FBLN5: variants seen among roughly 807,000 people sequenced by gnomAD.
FBLN5 encodes the protein fibulin 5.
In FBLN5, 24 loss-of-function variants were observed where a neutral mutation model predicts 61.6. The ratio of observed to expected loss-of-function variants is 0.39; its 90% CI spans 0.28 to 0.55. FBLN5 has a LOEUF of 0.55. Ranked by LOEUF, FBLN5 falls within the 20% of genes least tolerant of loss-of-function variation. The pLI, the probability that FBLN5 is intolerant of heterozygous loss-of-function variation, is 0.65. For missense variants in FBLN5, 470 were observed against 594.1 expected (o/e 0.79, Z 2.17); for synonymous variants, 213 against 219.8 (o/e 0.97, Z 0.27).
chr14:91,919,617 G>A (rs1428747121), intron 4 of FBLN5, among the ~76,000 whole-genome samples: 1 of 152,186 alleles, frequency 6.6e-6, no homozygotes, highest in African/African-American at 2.4e-5. Context: ...AAATGAGCCC[G>A]TTATAGCGGG....
At chr14:91,919,307 G>A (rs901409594) in intron 4 of FBLN5, among the ~76,000 whole-genome samples, 1 of 146,856 alleles carries the variant, frequency 6.8e-6, no homozygotes, top group Admixed American at 6.9e-5. Flanking sequence ...CTCTAACCTG[G>A]GTGACAGAGC....
At chr14:91,903,121 A>G (rs2139995811) in intron 4 of FBLN5, among the ~76,000 whole-genome samples, 1 of 152,334 alleles carries the variant, frequency 6.6e-6, no homozygotes, top group East Asian at 1.9e-4. Flanking sequence ...AAAATCAAGC[A>G]GCGATTCTTA....
At chr14:91,927,260 T>C (rs1044647386) in intron 4 of FBLN5, among the ~76,000 whole-genome samples, 2 of 152,206 alleles carry the variant, frequency 1.3e-5, no homozygotes, top group African/African-American at 2.4e-5. Flanking sequence ...TTTTACTTCT[T>C]TCATTTAACA....
intron 5 of FBLN5, among the ~76,000 whole-genome samples, chr14:91,891,584 A>C (rs1381119165): frequency 2.0e-5 from 3 of 152,148 alleles, no homozygotes; most frequent in Admixed American, 2.0e-4. Flanking sequence ...ACCTATCCTA[A>C]AAGTTGCAGA....
At chr14:91,907,448 T>C (rs562368921) in intron 4 of FBLN5, among the ~76,000 whole-genome samples, 9 of 152,068 alleles carry the variant, frequency 5.9e-5, no homozygotes, top group Non-Finnish European at 1.2e-4. Flanking sequence ...GTGAGTACCC[T>C]AATACAAATG....
chr14:91,903,278 T>C (rs1270358485), intron 4 of FBLN5, among the ~76,000 whole-genome samples: 1 of 152,180 alleles, frequency 6.6e-6, no homozygotes, highest in Non-Finnish European at 1.5e-5. Flanking sequence ...CTCCACCCTG[T>C]AGTAGTTGGG....
rs750043959 is a variant in FBLN5, at chr14:91,883,039, T to C, written c.777A>G (p.Gln259=). 3 of 1,614,170 alleles carry C rather than the reference T, an allele frequency of 1.9e-6. No homozygotes were observed. The East Asian group carries it at 6.7e-5, about 36-fold the overall frequency. Residue 259 remains glutamine (Q), a synonymous_variant, in exon 8 of 11, where the codon CAA becomes CAG. Coordinates refer to ENST00000342058, the MANE Select transcript of FBLN5 (RefSeq NM_006329.4). ...DECSFSEFLC[Q]HECVNQPGTY... is the part of the protein sequence containing the mutation. Reference sequence around the variant, plus strand: ...TGCCGGGCTGGTTCACACACTCATGTTGGCAGAGGAACTCAGAGAAGCTGC... The same window carrying C: ...TGCCGGGCTGGTTCACACACTCATGCTGGCAGAGGAACTCAGAGAAGCTGC...
Position 91,882,846 on chromosome 14 carries a change from C to A in FBLN5, c.862+108G>T. The A allele has an allele frequency of 7.4e-7, 1 of 1,353,330 alleles. No individual in the cohort carries two copies. The highest frequency in any genetic ancestry group is 1.9e-5 in the Admixed American group (1 of 51,908). 83.8% of individuals were successfully genotyped at this position (1,353,330 alleles called of 1,614,324 possible). On this transcript the variant is annotated intron_variant, in intron 8 of 10. Transcript: ENST00000342058. The surrounding 1 kb of genome is among the most constrained non-coding windows in gnomAD (Gnocchi z 4.9). ...CCCACTCACACCCCCACCCCTGCCA[C>A]CTTCCCAAAGCTGCACATGATTCCC...
chr14:91,889,283 G>A (rs1183633026), intron 6 of FBLN5, among the ~76,000 whole-genome samples: 2 of 152,204 alleles, frequency 1.3e-5, no homozygotes, highest in East Asian at 1.9e-4. Context: ...CTGGCCAGGC[G>A]CTGGCCACTC....
In FBLN5 at chr14:91,875,123, C is replaced by T. The variant is rs79929249; in HGVS notation, c.1185+2364G>A. ...GGGATTACAGGCATGAGCCCCTGTG[C>T]CCAACTCTACATATATTTTATTAAA... On this transcript the variant is annotated intron_variant, in intron 10 of 10. Coordinates refer to ENST00000342058, the MANE Select transcript of FBLN5 (RefSeq NM_006329.4). Among the ~76,000 whole-genome samples the T allele has an allele frequency of 3.8e-3, 582 of 152,270 alleles. 4 individuals are homozygous for T. The highest frequency in any genetic ancestry group is 0.013 in the African/African-American group (546 of 41,548).
chr14:91,919,432 A>AGGAAGGAAGGAAGGAAGGAT (rs1178918299), intron 4 of FBLN5, among the ~76,000 whole-genome samples: 1 of 150,232 alleles, frequency 6.7e-6, no homozygotes, highest in African/African-American at 2.5e-5. Context: ...GAAGGAAGGA[A>AGGAAGGAAGGAAGGAAGGAT]GGATTACCAG....
intron 4 of FBLN5, among the ~76,000 whole-genome samples, chr14:91,903,523 C>T (rs1183244819): frequency 2.0e-5 from 3 of 152,280 alleles, no homozygotes; most frequent in Middle Eastern, 3.4e-3. Flanking sequence ...TGCTGTGGAT[C>T]CTGACTCCTG....
chr14:91,875,173 T>C lies in FBLN5; in HGVS notation c.1185+2314A>G, dbSNP rs748941444. 3.5e-4 allele frequency among the ~76,000 whole-genome samples: 53 copies of C among 151,984 alleles called. 1 individual carries two copies. The highest frequency in any genetic ancestry group is 1.0e-4 in the Non-Finnish European group (7 of 68,002). ...ACACACTTACTAGCCTCCATCTCAATCAAGAGGGGTTTTCAAAAAAAGAAA... is the reference window on the plus strand; with the variant it reads ...ACACACTTACTAGCCTCCATCTCAACCAAGAGGGGTTTTCAAAAAAAGAAA... On this transcript the variant is annotated intron_variant, in intron 10 of 10. Coordinates refer to ENST00000342058, the MANE Select transcript of FBLN5 (RefSeq NM_006329.4).
At chr14:91,880,523 G>A (rs537101164) in intron 9 of FBLN5, among the ~76,000 whole-genome samples, 56 of 100,866 alleles carry the variant, frequency 5.6e-4, no homozygotes, top group African/African-American at 1.9e-3. Flanking sequence ...GGGAGTGTGC[G>A]TGCGTGTGTG....
chr14:91,877,414 A>G, intron 10 of FBLN5, 73 bp downstream of exon 10: 1 of 1,249,970 alleles, frequency 8.0e-7, no homozygotes, highest in Non-Finnish European at 1.2e-6. Flanking sequence ...CTGCTTGCAT[A>G]CAGCACGTTC....
At chr14:91,946,943 G>A (rs2056195037) in intron 1 of FBLN5, 1 of 1,456,234 alleles carries the variant, frequency 6.9e-7, no homozygotes, top group East Asian at 2.5e-5. Flanking sequence ...AGAAAAGAAA[G>A]AGGAATGAAG....
At chr14:91,924,638 C>T (rs1056766761) in intron 4 of FBLN5, among the ~76,000 whole-genome samples, 7 of 151,524 alleles carry the variant, frequency 4.6e-5, no homozygotes, top group African/African-American at 1.7e-4. Flanking sequence ...GCCAAGATAG[C>T]ACCACTGCAC....
chr14:91,947,067 T>C lies in FBLN5; in HGVS notation c.17+146A>G, dbSNP rs2056196348. The C allele has an allele frequency of 2.0e-6, 3 of 1,537,900 alleles. No individual in the cohort carries two copies. The highest frequency in any genetic ancestry group is 1.8e-6 in the Non-Finnish European group (2 of 1,136,220). On this transcript the variant is annotated intron_variant, in intron 1 of 10. Transcript: ENST00000342058. This position sits in a 1 kb window ranked among gnomAD's most constrained non-coding sequence, Gnocchi z 4.3. The stretch of plus-strand genomic sequence containing the variant: ...ATTACAGAGGCGCAGCTTTTTATAA[T>C]TAACAATATCATTGCATCACTAGCT...
At chr14:91,896,745 G>A (rs1890243014) in intron 4 of FBLN5, among the ~76,000 whole-genome samples, 1 of 152,178 alleles carries the variant, frequency 6.6e-6, no homozygotes, top group Non-Finnish European at 1.5e-5. Context: ...ACTGGGCTGA[G>A]GGAGGGCTGA....
Sources: gnomAD v4.1 joint callset for allele counts (sites outside exome capture counted in the v4.1 genomes callset) on GRCh38, gnomAD v4.1.1 for gene constraint, Gnocchi (gnomAD v3.1) non-coding constraint, MANE v1.5 for transcripts, NCBI Gene and HGNC (gene_info 2026-07-23, HGNC 2026-07-21) for gene names.